The following ARHGAP24 variants were observed in gnomAD, a reference collection of about 807,000 sequenced individuals.
The protein encoded by ARHGAP24 is Rho GTPase activating protein 24, also known as rho GTPase-activating protein 24.
A neutral mutation model predicts 76.4 loss-of-function variants in ARHGAP24; 50 were observed. The observed-to-expected ratio is 0.65, with a 90% CI of 0.52 to 0.83. The LOEUF (loss-of-function observed/expected upper bound fraction) is 0.83, where lower values mean the gene tolerates loss of function less well. Ranked by LOEUF, ARHGAP24 falls within the 40% of genes least tolerant of loss-of-function variation. The pLI, the probability that ARHGAP24 is intolerant of heterozygous loss-of-function variation, is 0.00. For missense variants in ARHGAP24, 930 were observed against 914.2 expected (o/e 1.02, Z -0.22); for synonymous variants, 345 against 323.3 (o/e 1.07, Z -0.72).
At chr4:85,596,928 T>C (rs1186065850) in intron 2 of ARHGAP24, among the ~76,000 whole-genome samples, 3 of 152,072 alleles carry the variant, frequency 2.0e-5, no homozygotes, top group African/African-American at 7.2e-5. Flanking sequence ...AGTCCAAATA[T>C]ATTTTTAAAA....
At chr4:85,746,523 A>G (rs1157909917) in intron 3 of ARHGAP24, among the ~76,000 whole-genome samples, 3 of 151,888 alleles carry the variant, frequency 2.0e-5, no homozygotes, top group South Asian at 2.1e-4. Context: ...TTTAACATTC[A>G]TGTCATACCC....
chr4:85,723,580 T>C (rs1725040403), intron 3 of ARHGAP24: 1 of 152,226 alleles, frequency 6.6e-6, no homozygotes, highest in African/African-American at 2.4e-5. Flanking sequence ...CAAGCTTGCT[T>C]CTGTAATTAT....
At chr4:85,507,266 G>A (rs1402061946) in intron 1 of ARHGAP24, among the ~76,000 whole-genome samples, 2 of 151,920 alleles carry the variant, frequency 1.3e-5, no homozygotes, top group Non-Finnish European at 2.9e-5. Context: ...CTGTCACCCA[G>A]GCTGGAGTGC....
chr4:85,731,003 C>T (rs995008275), intron 3 of ARHGAP24, among the ~76,000 whole-genome samples: 11 of 129,002 alleles, frequency 8.5e-5, no homozygotes, highest in Admixed American at 2.6e-4. Flanking sequence ...CACACACACA[C>T]ACACACACAC....
At chr4:85,985,048 C>G (rs187917897) in intron 8 of ARHGAP24, among the ~76,000 whole-genome samples, 28 of 152,278 alleles carry the variant, frequency 1.8e-4, no homozygotes, top group Admixed American at 1.8e-3. Flanking sequence ...TCTCAAACTC[C>G]TGACCTCAGG....
chr4:85,726,033 C>G (rs913559644), intron 3 of ARHGAP24, among the ~76,000 whole-genome samples: 4 of 152,142 alleles, frequency 2.6e-5, no homozygotes, highest in African/African-American at 7.2e-5. Flanking sequence ...CTAGTCCTCC[C>G]CCTCAAAAAC....
At chr4:85,685,385 C>T (rs927227210) in intron 2 of ARHGAP24, among the ~76,000 whole-genome samples, 1 of 152,078 alleles carries the variant, frequency 6.6e-6, no homozygotes, top group Non-Finnish European at 1.5e-5. Context: ...GTAATCCCAG[C>T]ACTTTGGGAG....
chr4:85,979,863 T>A (rs945764714), intron 8 of ARHGAP24, among the ~76,000 whole-genome samples: 6 of 152,186 alleles, frequency 3.9e-5, no homozygotes, highest in Admixed American at 6.5e-5. Flanking sequence ...TTAAAAAATA[T>A]CATTATAAAG....
At chr4:85,790,359 A>G (rs181851471) in intron 3 of ARHGAP24, among the ~76,000 whole-genome samples, 75 of 152,294 alleles carry the variant, frequency 4.9e-4, no homozygotes, top group Non-Finnish European at 9.3e-4. Context: ...CAAAACATTG[A>G]GAATTTTAGG....
At chr4:85,746,239 G>A (rs1224628891) in intron 3 of ARHGAP24, among the ~76,000 whole-genome samples, 1 of 152,204 alleles carries the variant, frequency 6.6e-6, no homozygotes, top group Non-Finnish European at 1.5e-5. Context: ...GAATGGATAG[G>A]CAGGGCTGGG....
chr4:85,646,112 G>C (rs1721712787), intron 2 of ARHGAP24, among the ~76,000 whole-genome samples: 1 of 152,040 alleles, frequency 6.6e-6, no homozygotes, highest in Non-Finnish European at 1.5e-5. Flanking sequence ...TTGTCTGTGA[G>C]ATGCCATGCA....
intron 5 of ARHGAP24, among the ~76,000 whole-genome samples, chr4:85,954,144 T>C (rs1178275577): frequency 6.6e-6 from 1 of 152,290 alleles, no homozygotes; most frequent in East Asian, 1.9e-4. Context: ...GAAAAAAAGA[T>C]GTTTTGTTTA....
At chr4:85,550,862 A>G (rs564401146) in intron 1 of ARHGAP24, among the ~76,000 whole-genome samples, 1 of 152,208 alleles carries the variant, frequency 6.6e-6, no homozygotes, top group East Asian at 1.9e-4. Context: ...AATGTTATAT[A>G]GGAATGCTAC....
intron 3 of ARHGAP24, among the ~76,000 whole-genome samples, chr4:85,883,482 A>G (rs1733373845): frequency 6.6e-6 from 1 of 152,160 alleles, no homozygotes; most frequent in Non-Finnish European, 1.5e-5. Context: ...GAAAGACCCA[A>G]TGGCAATGAA....
intron 3 of ARHGAP24, among the ~76,000 whole-genome samples, chr4:85,837,458 G>C (rs1436225784): frequency 2.0e-5 from 3 of 152,074 alleles, no homozygotes; most frequent in Non-Finnish European, 2.9e-5. Flanking sequence ...CGTCCCTAAA[G>C]ATGTAATTCA....
At chr4:85,752,109 T>G (rs897986222) in intron 3 of ARHGAP24, among the ~76,000 whole-genome samples, 1 of 152,246 alleles carries the variant, frequency 6.6e-6, no homozygotes, top group African/African-American at 2.4e-5. Flanking sequence ...GAACCATTTC[T>G]GCCCTGAAGA....
chr4:85,849,865 G>A (rs1731118147), intron 3 of ARHGAP24, among the ~76,000 whole-genome samples: 1 of 152,156 alleles, frequency 6.6e-6, no homozygotes, highest in African/African-American at 2.4e-5. Context: ...TTTTATGGAG[G>A]ATTTTTGCAT....
intron 2 of ARHGAP24, among the ~76,000 whole-genome samples, chr4:85,598,456 C>T (rs1719913345): frequency 6.6e-6 from 1 of 151,976 alleles, no homozygotes; most frequent in Admixed American, 6.6e-5. Flanking sequence ...CTTCCCAAAT[C>T]ACAATAATGA....
intron 1 of ARHGAP24, among the ~76,000 whole-genome samples, chr4:85,544,361 T>C (rs1395192578): frequency 6.6e-6 from 1 of 152,194 alleles, no homozygotes. Context: ...GTGCCTACTT[T>C]CTGTTTAATT....
Sources: gnomAD v4.1 joint callset for allele counts (sites outside exome capture counted in the v4.1 genomes callset) on GRCh38, gnomAD v4.1.1 for gene constraint, MANE v1.5 for transcripts, NCBI Gene and HGNC (gene_info 2026-07-23, HGNC 2026-07-21) for gene names.